Variants in PCDH11Y observed in about 807,000 individuals in gnomAD.
PCDH11Y encodes protocadherin-11 Y-linked.
For synonymous variants in PCDH11Y, 9 were observed against 83.6 expected (o/e 0.11, Z 4.87); for missense variants, 12 against 224.8 (o/e 0.05, Z 6.05).
chrY:5,483,863 G>T (rs2053329323), intron 2 of PCDH11Y, among the ~76,000 whole-genome samples: 1 of 31,276 alleles, frequency 3.2e-5, no homozygotes, highest in Non-Finnish European at 7.7e-5. Context: ...TGAAGAATAT[G>T]TTTTAAAGTG....
intron 3 of PCDH11Y, among the ~76,000 whole-genome samples, chrY:5,563,735 G>T (rs1602943806): frequency 3.3e-5 from 1 of 30,604 alleles, no homozygotes; most frequent in East Asian, 8.6e-4. Context: ...TCCAGTAGAC[G>T]CTCTTTTAAC....
At chrY:5,283,626 T>G in intron 2 of PCDH11Y, among the ~76,000 whole-genome samples, 1 of 29,386 alleles carries the variant, frequency 3.4e-5, no homozygotes, top group Non-Finnish European at 8.2e-5. Context: ...CTGAAGCTTG[T>G]GATATGATGC....
intron 3 of PCDH11Y, among the ~76,000 whole-genome samples, chrY:5,575,448 T>G: frequency 3.1e-5 from 1 of 31,905 alleles, no homozygotes; most frequent in Non-Finnish European, 7.6e-5. Context: ...TTTCCTGATA[T>G]CATGTCCATT....
chrY:5,658,239 G>A, intron 4 of PCDH11Y, among the ~76,000 whole-genome samples: 1 of 33,955 alleles, frequency 2.9e-5, no homozygotes, highest in Non-Finnish European at 7.4e-5. Context: ...GCTGCTTTTA[G>A]GATCCTTTCT....
intron 3 of PCDH11Y, among the ~76,000 whole-genome samples, chrY:5,572,095 G>A: frequency 3.0e-5 from 1 of 32,796 alleles, no homozygotes; most frequent in African/African-American, 1.2e-4. Flanking sequence ...ATATATGATT[G>A]AAAACATGTA....
intron 3 of PCDH11Y, among the ~76,000 whole-genome samples, chrY:5,578,750 G>A: frequency 3.0e-5 from 1 of 33,337 alleles, no homozygotes; most frequent in African/African-American, 1.2e-4. Flanking sequence ...CTGAATTAAG[G>A]AGGAGATATA....
At chrY:5,134,352 T>C (rs2052836735) in intron 2 of PCDH11Y, among the ~76,000 whole-genome samples, 1 of 32,982 alleles carries the variant, frequency 3.0e-5, no homozygotes, top group South Asian at 6.8e-4. Context: ...ATCTTTCTCT[T>C]GTCTAGTGTG....
At chrY:5,155,203 TA>T (rs2052868353) in intron 2 of PCDH11Y, among the ~76,000 whole-genome samples, 1 of 31,798 alleles carries the variant, frequency 3.1e-5, no homozygotes, top group African/African-American at 1.2e-4. Context: ...ATTAAGATAA[TA>T]TTTTTTGGCT....
chrY:5,258,267 T>A, intron 2 of PCDH11Y, among the ~76,000 whole-genome samples: 5 of 31,983 alleles, frequency 1.6e-4, no homozygotes. Context: ...TCTTTGATCT[T>A]GTGTATCATT....
chrY:5,213,604 G>GTTTAGGCAGGT, intron 2 of PCDH11Y, among the ~76,000 whole-genome samples: 1 of 32,173 alleles, frequency 3.1e-5, no homozygotes, highest in Non-Finnish European at 7.6e-5. Context: ...TGCTACTAGG[G>GTTTAGGCAGGT]TTTAGGCAGG....
rs757944859 is a variant in PCDH11Y, at chrY:5,501,273, G to T, written c.3328+18G>T. 2.6e-6 allele frequency: 1 copy of T among 380,444 alleles called. No individual in the cohort carries two copies. Among genetic ancestry groups the T allele is most frequent in the African/African-American group, 6.5e-5 (1 of 15,312 alleles). 94.9% of individuals were successfully genotyped at this position (380,444 alleles called of 400,897 possible). ...TGAATCTAGTAAGTGATACCTCTCT[G>T]GTTCCTCAATATAAACGGGCTTACT... On this transcript the variant is annotated intron_variant, in intron 3 of 4. Transcript: ENST00000400457.
intron 2 of PCDH11Y, among the ~76,000 whole-genome samples, chrY:5,267,363 C>A: frequency 3.4e-5 from 1 of 29,344 alleles, no homozygotes; most frequent in Non-Finnish European, 8.1e-5. Flanking sequence ...GCCCCCACAC[C>A]CAGCTAATTT....
At chrY:5,672,220 G>C in intron 4 of PCDH11Y, among the ~76,000 whole-genome samples, 1 of 32,147 alleles carries the variant, frequency 3.1e-5, no homozygotes. Flanking sequence ...TTTCGTGTGT[G>C]TGTGTGTGTG....
intron 4 of PCDH11Y, among the ~76,000 whole-genome samples, chrY:5,614,026 A>G: frequency 1.2e-4 from 2 of 16,204 alleles, no homozygotes; most frequent in African/African-American, 5.1e-4. Context: ...CAGAACATAA[A>G]CATTTGTATT....
At chrY:5,396,047 G>A (rs112821758) in intron 2 of PCDH11Y, among the ~76,000 whole-genome samples, 3 of 15,754 alleles carry the variant, frequency 1.9e-4, no homozygotes, top group Non-Finnish European at 5.8e-4. Context: ...CTCCCTCCCG[G>A]GTTCAAGCAA....
intron 3 of PCDH11Y, among the ~76,000 whole-genome samples, chrY:5,543,665 C>T: frequency 3.0e-5 from 1 of 33,835 alleles, no homozygotes; most frequent in South Asian, 6.4e-4. Flanking sequence ...AATGTATTGG[C>T]TATGTGGTTG....
At chrY:5,308,073 CT>C (rs2053092494) in intron 2 of PCDH11Y, among the ~76,000 whole-genome samples, 1 of 33,271 alleles carries the variant, frequency 3.0e-5, no homozygotes, top group African/African-American at 1.2e-4. Context: ...ATTTTTTAGA[CT>C]ACAGAAAAAA....
chrY:5,247,258 C>T, intron 2 of PCDH11Y, among the ~76,000 whole-genome samples: 1 of 33,300 alleles, frequency 3.0e-5, no homozygotes, highest in Non-Finnish European at 7.4e-5. Flanking sequence ...GAACTCTCCA[C>T]CAAAAATCAA....
intron 4 of PCDH11Y, among the ~76,000 whole-genome samples, chrY:5,672,390 C>T (rs2053550195): frequency 3.3e-5 from 1 of 30,548 alleles, no homozygotes; most frequent in African/African-American, 1.3e-4. Flanking sequence ...GCGTTGAAGT[C>T]GTCGGGTCTC....
Sources: gnomAD v4.1 joint callset for allele counts (sites outside exome capture counted in the v4.1 genomes callset) on GRCh38, gnomAD v4.1.1 for gene constraint, MANE v1.5 for transcripts, NCBI Gene and HGNC (gene_info 2026-07-23, HGNC 2026-07-21) for gene names.